CCSER1: variants seen among roughly 807,000 people sequenced by gnomAD.
CCSER1 encodes serine-rich coiled-coil domain-containing protein 1.
CCSER1 carries 41 observed loss-of-function variants against 82.0 expected under a neutral mutation model. The observed-to-expected ratio is 0.50, with a 90% CI of 0.39 to 0.65. The LOEUF (loss-of-function observed/expected upper bound fraction) is 0.65, where lower values mean the gene tolerates loss of function less well. Among genes scored for constraint, CCSER1 ranks in the 30% least tolerant of loss-of-function variants. The pLI is 0.00. For synonymous variants in CCSER1, 414 were observed against 383.9 expected, an observed-to-expected ratio of 1.08 and a Z score of -0.92; for missense variants, 1,119 against 1,064.2, an observed-to-expected ratio of 1.05 and a Z score of -0.72.
At chr4:90,193,435 T>C (rs1736015080) in intron 1 of CCSER1, among the ~76,000 whole-genome samples, 1 of 151,706 alleles carries the variant, frequency 6.6e-6, no homozygotes, top group South Asian at 2.1e-4. Flanking sequence ...TAAGTATGAA[T>C]ACAAAAGAGT....
chr4:91,377,061 C>T (rs1440875806), intron 10 of CCSER1, among the ~76,000 whole-genome samples: 1 of 152,096 alleles, frequency 6.6e-6, no homozygotes, highest in East Asian at 1.9e-4. Context: ...CATCCATGTC[C>T]CTACAAAGGA....
chr4:90,879,579 AGAAGAGGAG>A (rs1561295033), intron 8 of CCSER1, among the ~76,000 whole-genome samples: 1 of 81,334 alleles, frequency 1.2e-5, no homozygotes, highest in African/African-American at 4.7e-5. Context: ...AGGAAGAAGA[AGAAGAGGAG>A]GAGGAGGAGG....
At chr4:90,673,084 G>A (rs1447563399) in intron 6 of CCSER1, among the ~76,000 whole-genome samples, 1 of 151,928 alleles carries the variant, frequency 6.6e-6, no homozygotes, top group Non-Finnish European at 1.5e-5. Context: ...GTGAGCATAA[G>A]TTATTGGAAA....
At chr4:90,856,624 T>A (rs1764493238) in intron 8 of CCSER1, among the ~76,000 whole-genome samples, 2 of 152,110 alleles carry the variant, frequency 1.3e-5, no homozygotes, top group African/African-American at 4.8e-5. Flanking sequence ...ATAACAGAAT[T>A]CTAGACTAAA....
chr4:91,374,217 A>G (rs1750239914), intron 10 of CCSER1, among the ~76,000 whole-genome samples: 1 of 152,200 alleles, frequency 6.6e-6, no homozygotes, highest in South Asian at 2.1e-4. Context: ...TAGCATATTT[A>G]CAATGTAGAC....
chr4:91,082,521 C>G (rs1229120184), intron 9 of CCSER1, among the ~76,000 whole-genome samples: 3 of 152,144 alleles, frequency 2.0e-5, no homozygotes. Context: ...GTGACTAAAA[C>G]ACCAAAAGCA....
chr4:90,452,746 G>T (rs985191505), intron 4 of CCSER1, among the ~76,000 whole-genome samples: 83 of 152,256 alleles, frequency 5.5e-4, no homozygotes, highest in African/African-American at 1.9e-3. Flanking sequence ...GAGTGGATCT[G>T]GTATTTCACC....
intron 1 of CCSER1, among the ~76,000 whole-genome samples, chr4:90,203,193 A>G (rs1361563563): frequency 1.3e-5 from 2 of 152,056 alleles, no homozygotes; most frequent in African/African-American, 4.8e-5. Flanking sequence ...AAAGTAGTTG[A>G]TGATTTTTTC....
At chr4:91,185,057 C>T (rs1734395031) in intron 10 of CCSER1, among the ~76,000 whole-genome samples, 1 of 152,196 alleles carries the variant, frequency 6.6e-6, no homozygotes, top group South Asian at 2.1e-4. Flanking sequence ...TCCATGTGGA[C>T]AGCCAGTGCT....
chr4:90,687,085 A>T (rs999845809), intron 6 of CCSER1, among the ~76,000 whole-genome samples: 1 of 152,236 alleles, frequency 6.6e-6, no homozygotes, highest in East Asian at 1.9e-4. Context: ...TTAAGATAAG[A>T]TATTTACAAT....
At chr4:91,587,622 G>T (rs1352188334) in intron 10 of CCSER1, among the ~76,000 whole-genome samples, 3 of 151,430 alleles carry the variant, frequency 2.0e-5, no homozygotes, top group African/African-American at 7.3e-5. Context: ...CATATCCATC[G>T]TTCATGAGAT....
intron 5 of CCSER1, among the ~76,000 whole-genome samples, chr4:90,575,565 T>C (rs911212948): frequency 2.0e-5 from 3 of 152,226 alleles, no homozygotes; most frequent in African/African-American, 7.2e-5. Context: ...TGTTAGCATG[T>C]GGAATTACAT....
At chr4:91,401,877 T>C (rs201500172) in intron 10 of CCSER1, among the ~76,000 whole-genome samples, 2 of 152,184 alleles carry the variant, frequency 1.3e-5, no homozygotes, top group Admixed American at 1.3e-4. Context: ...CATGTGTCTT[T>C]ATAGCAGCAT....
chr4:91,086,275 G>A (rs565534591), intron 10 of CCSER1, among the ~76,000 whole-genome samples: 119 of 152,166 alleles, frequency 7.8e-4, no homozygotes, highest in African/African-American at 2.7e-3. Flanking sequence ...GTAGCAGCAG[G>A]TCCTTTCACA....
At chr4:91,149,166 T>A (rs2148947826) in intron 10 of CCSER1, among the ~76,000 whole-genome samples, 1 of 152,296 alleles carries the variant, frequency 6.6e-6, no homozygotes, top group Non-Finnish European at 1.5e-5. Context: ...TTTTTAATGA[T>A]CACCATTCTA....
At position 91,049,917 on chromosome 4, in the gene CCSER1, G is replaced by A. The variant is rs372809857; in HGVS notation, c.2173-36033G>A. 7.1e-4 allele frequency among the ~76,000 whole-genome samples: 108 copies of A among 152,118 alleles called. 5 individuals carry two copies. Among genetic ancestry groups the A allele is most frequent in the Non-Finnish European group, 2.1e-4 (14 of 68,026 alleles). ...CAGAATCAGTTATCAGAAGTCTCGG[G>A]CACTGGCCCAGGCTACTACTTATTT... On this transcript the variant is annotated intron_variant, in intron 9 of 10. Transcript: ENST00000509176.
At chr4:91,130,915 C>T (rs941538946) in intron 10 of CCSER1, among the ~76,000 whole-genome samples, 3 of 151,282 alleles carry the variant, frequency 2.0e-5, no homozygotes, top group African/African-American at 7.3e-5. Context: ...TATTTTTTCC[C>T]ATTACTACAT....
At chr4:90,878,258 G>A (rs1178353832) in intron 8 of CCSER1, among the ~76,000 whole-genome samples, 1 of 152,066 alleles carries the variant, frequency 6.6e-6, no homozygotes, top group Admixed American at 6.6e-5. Context: ...CCATAACCAT[G>A]AGCCCCTGTC....
intron 9 of CCSER1, among the ~76,000 whole-genome samples, chr4:91,071,399 A>C (rs933333454): frequency 6.6e-6 from 1 of 152,194 alleles, no homozygotes; most frequent in African/African-American, 2.4e-5. Flanking sequence ...ACAAACAAAG[A>C]CTTGATAAGC....
Sources: allele counts gnomAD v4.1 joint callset (sites outside exome capture counted in the v4.1 genomes callset), GRCh38; gene constraint gnomAD v4.1.1; transcripts MANE v1.5; gene names NCBI Gene and HGNC (gene_info 2026-07-23, HGNC 2026-07-21).